The following NUP210L variants were observed in gnomAD, a reference collection of about 807,000 sequenced individuals.
NUP210L encodes nuclear pore membrane glycoprotein 210-like.
In NUP210L, 74 loss-of-function variants were observed where a neutral mutation model predicts 208.5. The ratio of observed to expected loss-of-function variants is 0.35; its 90% CI spans 0.29 to 0.43. The LOEUF (loss-of-function observed/expected upper bound fraction) is 0.43, where lower values mean the gene tolerates loss of function less well. Ranked by LOEUF, NUP210L falls within the 20% of genes least tolerant of loss-of-function variation. NUP210L has a pLI of 1.00. For missense variants in NUP210L, 1,843 were observed against 2,289.4 expected (o/e 0.81, Z 3.98); for synonymous variants, 780 against 816.9 (o/e 0.95, Z 0.77).
At chr1:154,041,163 T>C (rs1652852523) in intron 27 of NUP210L, among the ~76,000 whole-genome samples, 1 of 151,354 alleles carries the variant, frequency 6.6e-6, no homozygotes, top group African/African-American at 2.4e-5. Context: ...TGGGGTCTCA[T>C]TATGTTATCC....
In NUP210L at chr1:154,110,282, A is replaced by AT. The variant is rs1414124275; in HGVS notation, c.1621-6073dup. Among the ~76,000 whole-genome samples, 921 of 142,212 alleles carry AT rather than the reference A, an allele frequency of 6.5e-3. 13 individuals are homozygous for AT. The highest frequency in any genetic ancestry group is 9.9e-3 in the African/African-American group (378 of 38,366). 93.3% of individuals were successfully genotyped at this position (142,212 alleles called of 152,430 possible). On this transcript the variant is annotated intron_variant, in intron 12 of 39. Coordinates refer to ENST00000368559, the Ensembl canonical transcript of NUP210L. ...CTTGAAAAAAACAACCCAATGTTGT[A>AT]TTTTTTTTTTTTGACAGTCTTGCTC... is the stretch of plus-strand genomic sequence containing the variant.
intron 30 of NUP210L, among the ~76,000 whole-genome samples, chr1:154,024,904 A>G (rs1184138328): frequency 6.9e-6 from 1 of 144,648 alleles, no homozygotes; most frequent in Non-Finnish European, 1.5e-5. Flanking sequence ...AGACAATCAT[A>G]TAAATTTAGG....
intron 17 of NUP210L, among the ~76,000 whole-genome samples, chr1:154,063,563 G>A (rs1273397476): frequency 6.6e-6 from 1 of 152,170 alleles, no homozygotes; most frequent in Non-Finnish European, 1.5e-5. Context: ...AGGACTACAG[G>A]CTTTGATGTC....
intron 14 of NUP210L, among the ~76,000 whole-genome samples, chr1:154,098,227 G>A (rs779627607): frequency 3.3e-5 from 5 of 152,186 alleles, no homozygotes; most frequent in Non-Finnish European, 5.9e-5. Flanking sequence ...GAAGCTTAGA[G>A]ACTCCAGGAA....
In NUP210L at chr1:154,009,955, C is replaced by G. The variant is rs754512085; in HGVS notation, c.4930+17G>C. 6 of 1,591,158 alleles carry G rather than the reference C, an allele frequency of 3.8e-6. No individual in the cohort carries two copies. In the East Asian group the frequency reaches 1.3e-4, roughly 36 times the overall value. ...ATAAACAGAATGGGGAAACCAGATTCAACTGGTGTAACTTACCTTTCTCCA... is the reference window on the plus strand; with the variant it reads ...ATAAACAGAATGGGGAAACCAGATTGAACTGGTGTAACTTACCTTTCTCCA... On this transcript the variant is annotated intron_variant, in intron 35 of 39. Transcript: ENST00000368559.
At chr1:154,027,571 A>G (rs371548268) in exon 29 of NUP210L, 147 of 1,613,410 alleles carry the variant, frequency 9.1e-5, no homozygotes, top group Admixed American at 3.2e-4. Flanking sequence ...GGCACTCTGG[A>G]TAGAAGAGTT....
intron 34 of NUP210L, among the ~76,000 whole-genome samples, chr1:154,010,996 C>T (rs943467571): frequency 6.6e-6 from 1 of 151,940 alleles, no homozygotes; most frequent in Admixed American, 6.6e-5. Flanking sequence ...AATTCAAGCC[C>T]CAAATCCCTA....
intron 25 of NUP210L, among the ~76,000 whole-genome samples, chr1:154,052,677 GT>G (rs1653583341): frequency 6.6e-6 from 1 of 152,158 alleles, no homozygotes; most frequent in Admixed American, 6.5e-5. Flanking sequence ...TCTGATCTCA[GT>G]ATTTACCATA....
rs57418988 is a variant in NUP210L, at chr1:154,065,086, TAAATAAAATAAAATAAAATAAAATA to T, written c.2555-3437_2555-3413del. Among the ~76,000 whole-genome samples the T allele has an allele frequency of 3.5e-3, 472 of 134,616 alleles. 14 individuals are homozygous for T. The East Asian group carries it at 0.074, about 21-fold the overall frequency. The allele number at this position is 134,616 out of a possible 152,430, so 88.3% of individuals were successfully genotyped here. A position where few individuals can be genotyped will look rare whatever the true frequency, so the allele number is the denominator to read the frequency against. On this transcript the variant is annotated intron_variant, in intron 17 of 39. Transcript: ENST00000368559. ...GCGAGATTCCATCTCAGTAAATAAA[TAAATAAAATAAAATAAAATAAAATA>T]AAATAAAATAAAATAAAATAAAATA...
intron 35 of NUP210L, among the ~76,000 whole-genome samples, chr1:154,007,403 C>T (rs1299414148): frequency 6.6e-6 from 1 of 151,890 alleles, no homozygotes; most frequent in Non-Finnish European, 1.5e-5. Context: ...GCTGGGATTA[C>T]AGGCATGTGC....
chr1:154,009,891 A>C, intron 35 of NUP210L, 81 bp downstream of exon 35: 4 of 1,177,566 alleles, frequency 3.4e-6, no homozygotes, highest in Non-Finnish European at 4.7e-6. Context: ...CTACAGATAT[A>C]AATGCAATCC....
At position 154,089,409 on chromosome 1, in the gene NUP210L, C is replaced by A. The variant is rs781240354; in HGVS notation, c.2361+12G>T. 2.5e-6 allele frequency: 4 copies of A among 1,612,912 alleles called. No homozygotes were observed. The African/African-American group carries it at 4.0e-5, about 16-fold the overall frequency. ...AAGTGCCAACTTAGTTGGAAACATACTCTGTACTTACCAGCCATTTGTTGT... is the reference window on the plus strand; with the variant it reads ...AAGTGCCAACTTAGTTGGAAACATAATCTGTACTTACCAGCCATTTGTTGT... On this transcript the variant is annotated intron_variant, in intron 16 of 39. Transcript: ENST00000368559.
chr1:154,019,440 G>A (rs955581111), intron 32 of NUP210L, among the ~76,000 whole-genome samples: 1 of 152,196 alleles, frequency 6.6e-6, no homozygotes, highest in African/African-American at 2.4e-5. Context: ...ACCATGGCAA[G>A]AGAAAGGATT....
At chr1:154,132,917 T>A (rs1327270044) in intron 7 of NUP210L, among the ~76,000 whole-genome samples, 1 of 152,178 alleles carries the variant, frequency 6.6e-6, no homozygotes, top group Non-Finnish European at 1.5e-5. Flanking sequence ...CTGATAGAAT[T>A]TTTTTGGTGT....
In NUP210L at chr1:154,140,015, C is replaced by G. The variant is rs1658758162; in HGVS notation, c.567-63G>C. Reference sequence around the variant, plus strand: ...AAACGAAGGGTTCTTCCAAAAGTCCCTAAGAGACTTTAAACATAGTTTCTT... The same window carrying G: ...AAACGAAGGGTTCTTCCAAAAGTCCGTAAGAGACTTTAAACATAGTTTCTT... On this transcript the variant is annotated intron_variant, in intron 4 of 39. Coordinates refer to ENST00000368559, the Ensembl canonical transcript of NUP210L. 1.0e-5 allele frequency: 13 copies of G among 1,304,914 alleles called. 1 individual carries two copies. Among genetic ancestry groups the G allele is most frequent in the Non-Finnish European group, 1.4e-5 (13 of 925,998 alleles). 80.8% of individuals were successfully genotyped at this position (1,304,914 alleles called of 1,614,324 possible).
At chr1:154,055,159 CTTT>C (rs1653775067) in intron 23 of NUP210L, among the ~76,000 whole-genome samples, 1 of 115,396 alleles carries the variant, frequency 8.7e-6, no homozygotes. Flanking sequence ...TTCTTTCTTT[CTTT>C]CTTTCTTTCT....
At chr1:154,036,399 T>A (rs1448878944) in intron 27 of NUP210L, among the ~76,000 whole-genome samples, 5 of 145,980 alleles carry the variant, frequency 3.4e-5, no homozygotes, top group South Asian at 2.2e-4. Context: ...AGTTTCACTC[T>A]TGTTGCCCAG....
chr1:153,995,363 T>C (rs940826085), intron 37 of NUP210L, among the ~76,000 whole-genome samples, 183 bp from the exon 38 acceptor site: 6 of 152,172 alleles, frequency 3.9e-5, no homozygotes, highest in African/African-American at 1.2e-4. Context: ...TTAAAACTTA[T>C]GACTAAAAAT....
At chr1:154,002,403 G>A (rs1650271748) in intron 35 of NUP210L, among the ~76,000 whole-genome samples, 1 of 151,850 alleles carries the variant, frequency 6.6e-6, no homozygotes, top group Non-Finnish European at 1.5e-5. Flanking sequence ...TTTAGCTGAG[G>A]TGGGTGGATC....
Sources: gnomAD v4.1 joint callset for allele counts (sites outside exome capture counted in the v4.1 genomes callset) on GRCh38, gnomAD v4.1.1 for gene constraint, MANE v1.5 for transcripts, NCBI Gene and HGNC (gene_info 2026-07-23, HGNC 2026-07-21) for gene names.